The following BPIFB4 variants were observed in gnomAD, a reference collection of about 807,000 sequenced individuals.
BPIFB4 encodes BPI fold-containing family B member 4.
In BPIFB4, 62 loss-of-function variants were observed where a neutral mutation model predicts 69.2. The observed-to-expected ratio is 0.90, with a 90% CI of 0.73 to 1.11. The LOEUF is 1.11. Among genes scored for constraint, BPIFB4 ranks in the 50% least tolerant of loss-of-function variants. The pLI is 0.00. For missense variants in BPIFB4, 789 were observed against 792.0 expected (o/e 1.00, Z 0.04); for synonymous variants, 330 against 332.7 (o/e 0.99, Z 0.09).
chr20:33,090,804 G>C lies in BPIFB4; in HGVS notation c.1143+5G>C. On this transcript the variant is annotated splice_donor_5th_base_variant and intron_variant, in intron 10 of 17. Coordinates refer to ENST00000375483, the MANE Select transcript of BPIFB4 (RefSeq NM_182519.3). Reference sequence around the variant, plus strand: ...TTCCTGGAGCTGGACCTCAACGTGAGTGCCTGGGGTTCAGGGCAAAGGGTG... The same window carrying C: ...TTCCTGGAGCTGGACCTCAACGTGACTGCCTGGGGTTCAGGGCAAAGGGTG... 6.2e-7 allele frequency: 1 copy of C among 1,614,106 alleles called. No homozygotes were observed. The highest frequency in any genetic ancestry group is 8.5e-7 in the Non-Finnish European group (1 of 1,179,986).
rs564295017 is a variant in BPIFB4, at chr20:33,080,823, A to T, written c.-16+247A>T. On this transcript the variant is annotated intron_variant, in intron 2 of 17. Coordinates refer to ENST00000375483, the MANE Select transcript of BPIFB4 (RefSeq NM_182519.3). ...GTTGGATAGATGGATGGGCAGGAGG[A>T]TATATGGCTTGCCAGCTGTTTGGAT... 1.1e-4 allele frequency among the ~76,000 whole-genome samples: 16 copies of T among 152,200 alleles called. No individual in the cohort carries two copies. The South Asian group carries it at 3.3e-3, about 32-fold the overall frequency.
chr20:33,087,763 T>C (rs919229759), intron 7 of BPIFB4, among the ~76,000 whole-genome samples: 123 of 52,088 alleles, frequency 2.4e-3, no homozygotes, highest in Middle Eastern at 8.8e-3. Flanking sequence ...CAAGCATGCA[T>C]GCATACACAC....
At chr20:33,080,966 G>T (rs976681400) in intron 2 of BPIFB4, among the ~76,000 whole-genome samples, 1 of 152,198 alleles carries the variant, frequency 6.6e-6, no homozygotes, top group Non-Finnish European at 1.5e-5. Flanking sequence ...TGGATGGATG[G>T]TTGGTTGGAT....
rs755057163 is a variant in BPIFB4, at chr20:33,083,692, G to C, written c.495G>C (p.Ala165=). 6.2e-7 allele frequency: 1 copy of C among 1,613,914 alleles called. No individual in the cohort carries two copies. Among genetic ancestry groups the C allele is most frequent in the Admixed American group, 1.7e-5 (1 of 60,000 alleles). The change falls in exon 5 of 18, where the codon GCG becomes GCC. Residue 165 remains alanine (A), a synonymous_variant. Coordinates refer to ENST00000375483, the MANE Select transcript of BPIFB4 (RefSeq NM_182519.3). ...GEIPPGVATG[A]VGPGGLLGTG... ...TCCCACCTGGAGTTGCCACTGGGGC[G>C]GTGGGCCCAGGTGGTTTGCTGGGCA...
At chr20:33,079,822 G>A (rs964135566) in intron 1 of BPIFB4, 119 bp downstream of exon 1, 2 of 152,290 alleles carry the variant, frequency 1.3e-5, no homozygotes, top group Admixed American at 1.3e-4. Context: ...TCCAAGTTCA[G>A]GGGTCTTGTC....
intron 13 of BPIFB4, among the ~76,000 whole-genome samples, chr20:33,098,061 C>T (rs1981805888): frequency 6.6e-6 from 1 of 152,190 alleles, no homozygotes; most frequent in Non-Finnish European, 1.5e-5. Flanking sequence ...CCCCAGTTTT[C>T]TCATCTGTAA....
chr20:33,109,675 T>TA, intron 17 of BPIFB4, among the ~76,000 whole-genome samples: 1 of 152,360 alleles, frequency 6.6e-6, no homozygotes, highest in African/African-American at 2.4e-5. Flanking sequence ...ATAAATGACT[T>TA]ACCTTTTCTT....
In BPIFB4 at chr20:33,089,531, G is replaced by C; in HGVS notation, c.1024G>C (p.Val342Leu). ...CATCGTGGATGTGGTGCTGGGTCTTGTCAATGACCAGCTGGGCCTCGTGGA... is the reference window on the plus strand; with the variant it reads ...CATCGTGGATGTGGTGCTGGGTCTTCTCAATGACCAGCTGGGCCTCGTGGA... ...CPIVDVVLGL[V>L]NDQLGLVDSL... Residue 342 changes from valine to leucine, a missense_variant, in exon 9 of 18, where the codon GTC becomes CTC. Around this residue, in one of 3 missense-constraint regions of BPIFB4, gnomAD observed 611 missense variants for 575.4 expected, o/e 1.06. Transcript: ENST00000375483. The C allele has an allele frequency of 6.2e-7, 1 of 1,614,240 alleles. No individual in the cohort carries two copies.
At chr20:33,099,956 T>C (rs1981862219) in intron 13 of BPIFB4, among the ~76,000 whole-genome samples, 1 of 152,134 alleles carries the variant, frequency 6.6e-6, no homozygotes, top group African/African-American at 2.4e-5. Context: ...GCCTGGGCCT[T>C]TTATATCCTC....
At chr20:33,106,531 C>A (rs895710137) in intron 16 of BPIFB4, among the ~76,000 whole-genome samples, 1 of 152,090 alleles carries the variant, frequency 6.6e-6, no homozygotes, top group Non-Finnish European at 1.5e-5. Flanking sequence ...CACCACCACA[C>A]CCAGCTAATT....
At position 33,103,278 on chromosome 20, in the gene BPIFB4, T is replaced by A. The variant is rs373367704; in HGVS notation, c.1680+264T>A. Among the ~76,000 whole-genome samples the A allele has an allele frequency of 5.1e-4, 78 of 152,266 alleles. No individual in the cohort carries two copies. In the East Asian group the frequency reaches 0.014, roughly 27 times the overall value. ...TGTCCCATGTTAACTGGCTGCCCCATGGGGGGCCACTTGGCCCAAATCGCT... is the reference window on the plus strand; with the variant it reads ...TGTCCCATGTTAACTGGCTGCCCCAAGGGGGGCCACTTGGCCCAAATCGCT... On this transcript the variant is annotated intron_variant, in intron 15 of 17. Coordinates refer to ENST00000375483, the MANE Select transcript of BPIFB4 (RefSeq NM_182519.3).
chr20:33,111,662 A>C lies in BPIFB4; in HGVS notation c.*225A>C. ...ATGGTCAGCCTGCCAGGAGGAGGGG[A>C]GTCACCTTGGGGCTGGAGGCCTCTC... On this transcript the variant is annotated 3_prime_UTR_variant, in exon 18 of 18. Transcript: ENST00000375483. 1 of 583,868 alleles carries C rather than the reference A, an allele frequency of 1.7e-6. No individual in the cohort carries two copies. The highest frequency in any genetic ancestry group is 3.0e-6 in the Non-Finnish European group (1 of 329,584). 36.2% of individuals were successfully genotyped at this position (583,868 alleles called of 1,614,324 possible).
In BPIFB4 at chr20:33,111,555, C is replaced by A; in HGVS notation, c.*118C>A. The A allele has an allele frequency of 7.7e-7, 1 of 1,302,424 alleles. No individual in the cohort carries two copies. Among genetic ancestry groups the A allele is most frequent in the South Asian group, 1.3e-5 (1 of 78,720 alleles). The allele number at this position is 1,302,424 out of a possible 1,614,324, so 80.7% of individuals were successfully genotyped here. A position where few individuals can be genotyped will look rare whatever the true frequency, so the allele number is the denominator to read the frequency against. On this transcript the variant is annotated 3_prime_UTR_variant, in exon 18 of 18. Transcript: ENST00000375483. Reference sequence around the variant, plus strand: ...CTCAGCCTCCATGACAGGTCCCTCCCTGGCCCCCCAACCCTCTTCCTCCCT... The same window carrying A: ...CTCAGCCTCCATGACAGGTCCCTCCATGGCCCCCCAACCCTCTTCCTCCCT...
intron 13 of BPIFB4, among the ~76,000 whole-genome samples, chr20:33,099,951 G>T (rs527466014): frequency 6.6e-6 from 1 of 152,090 alleles, no homozygotes; most frequent in South Asian, 2.1e-4. Flanking sequence ...GATGAGCCTG[G>T]GCCTTTTATA....
chr20:33,083,424 C>T lies in BPIFB4; in HGVS notation c.227C>T (p.Thr76Ile), dbSNP rs775568024. 3 of 1,613,452 alleles carry T rather than the reference C, an allele frequency of 1.9e-6. No homozygotes were observed. The highest frequency in any genetic ancestry group is 1.7e-6 in the Non-Finnish European group (2 of 1,179,756). ...GTCCGAGGACCCCCCCCAGTATATA[C>T]CAACGGCAAAAAACTTGATGGTATT... is the stretch of plus-strand genomic sequence containing the variant. ...FHVRGPPPVY[T>I]NGKKLDGIYQ... Residue 76 changes from threonine (T) to isoleucine (I), a missense_variant, in exon 5 of 18, where the codon ACC (threonine) becomes ATC (isoleucine). By Grantham distance (89) the Thr-to-Ile change is moderately conservative (BLOSUM62 -1). Transcript: ENST00000375483.
intron 9 of BPIFB4, among the ~76,000 whole-genome samples, 180 bp from the exon 10 acceptor site, chr20:33,090,528 T>C (rs1444857106): frequency 6.6e-6 from 1 of 152,220 alleles, no homozygotes; most frequent in Non-Finnish European, 1.5e-5. Flanking sequence ...AATGACTTGC[T>C]TGGGTTCACA....
chr20:33,104,568 G>A, intron 15 of BPIFB4: 1 of 476,136 alleles, frequency 2.1e-6, no homozygotes, highest in Non-Finnish European at 3.7e-6. Context: ...CTTCATAGGG[G>A]CCTTGGGCCA....
intron 9 of BPIFB4, 55 bp from the exon 10 acceptor site, chr20:33,090,653 G>A (rs1206931976): frequency 6.2e-7 from 1 of 1,604,416 alleles, no homozygotes; most frequent in South Asian, 1.1e-5. Flanking sequence ...GTATGAGGAG[G>A]GAAGGCATCT....
At chr20:33,110,877 G>A (rs549846172) in intron 17 of BPIFB4, among the ~76,000 whole-genome samples, 100 of 147,922 alleles carry the variant, frequency 6.8e-4, no homozygotes, top group Non-Finnish European at 1.1e-3. Flanking sequence ...GTGCAATGGC[G>A]CGATCTCGGC....
Sources: gnomAD v4.1 joint callset for allele counts (sites outside exome capture counted in the v4.1 genomes callset) on GRCh38, gnomAD v4.1.1 for gene constraint, gnomAD v4.1.1 regional missense constraint, MANE v1.5 for transcripts, NCBI Gene and HGNC (gene_info 2026-07-23, HGNC 2026-07-21) for gene names.